RAB27B: variants seen among roughly 807,000 people sequenced by gnomAD.
RAB27B encodes RAB27B, member RAS oncogene family.
RAB27B carries 15 observed loss-of-function variants against 24.6 expected under a neutral mutation model. The ratio of observed to expected loss-of-function variants is 0.61; its 90% CI spans 0.41 to 0.94. RAB27B has a LOEUF of 0.94. Among genes scored for constraint, RAB27B ranks in the 40% least tolerant of loss-of-function variants. The probability of loss-of-function intolerance (pLI) is 0.00; values close to 1 mark genes in which losing one functional copy is unlikely to be tolerated. For missense variants in RAB27B, 261 were observed against 266.8 expected (o/e 0.98, Z 0.15); for synonymous variants, 105 against 92.5 (o/e 1.14, Z -0.78).
chr18:54,783,201 A>C (rs569133150), intron 2 of RAB27B, among the ~76,000 whole-genome samples: 2 of 152,024 alleles, frequency 1.3e-5, no homozygotes, highest in East Asian at 3.9e-4. Context: ...TCCTGACCTC[A>C]AGTGATCCAC....
chr18:54,775,653 A>G (rs967620641), intron 2 of RAB27B, among the ~76,000 whole-genome samples: 1 of 152,116 alleles, frequency 6.6e-6, no homozygotes, highest in Non-Finnish European at 1.5e-5. Context: ...CTATCTCTTC[A>G]TCAACTTCTA....
intron 3 of RAB27B, among the ~76,000 whole-genome samples, chr18:54,881,623 T>C (rs2145280386): frequency 6.6e-6 from 1 of 152,284 alleles, no homozygotes; most frequent in East Asian, 1.9e-4. Flanking sequence ...TTTCTGTAAC[T>C]CTTTGGAACA....
intron 1 of RAB27B, among the ~76,000 whole-genome samples, chr18:54,857,067 T>C (rs1347202585): frequency 6.6e-6 from 1 of 152,236 alleles, no homozygotes; most frequent in Non-Finnish European, 1.5e-5. Flanking sequence ...TAAATGTGTT[T>C]GCTGTACTCA....
At chr18:54,725,586 C>A (rs545127987) in intron 2 of RAB27B, among the ~76,000 whole-genome samples, 1 of 151,396 alleles carries the variant, frequency 6.6e-6, no homozygotes, top group Non-Finnish European at 1.5e-5. Context: ...CCTCACAGTT[C>A]GGCATGGCAC....
At chr18:54,743,873 C>T (rs1910148425) in intron 2 of RAB27B, among the ~76,000 whole-genome samples, 2 of 152,104 alleles carry the variant, frequency 1.3e-5, no homozygotes, top group Admixed American at 1.3e-4. Context: ...ACTTGAGTGC[C>T]CTTAGGAAAT....
At chr18:54,743,608 T>C (rs996956624) in intron 2 of RAB27B, among the ~76,000 whole-genome samples, 2 of 152,042 alleles carry the variant, frequency 1.3e-5, no homozygotes, top group African/African-American at 4.8e-5. Context: ...TGATGACTGG[T>C]GGATGCCTGG....
intron 2 of RAB27B, among the ~76,000 whole-genome samples, chr18:54,813,866 C>T (rs1952261106): frequency 6.6e-6 from 1 of 152,088 alleles, no homozygotes; most frequent in Non-Finnish European, 1.5e-5. Flanking sequence ...GATAAAGTAA[C>T]TTATTTTTCC....
At chr18:54,747,361 C>T (rs1352628016) in intron 2 of RAB27B, among the ~76,000 whole-genome samples, 1 of 152,168 alleles carries the variant, frequency 6.6e-6, no homozygotes, top group Non-Finnish European at 1.5e-5. Context: ...CTATGGCCTA[C>T]TTCCAAATGA....
intron 2 of RAB27B, among the ~76,000 whole-genome samples, chr18:54,810,853 T>C (rs1009070914): frequency 6.7e-6 from 1 of 148,882 alleles, no homozygotes; most frequent in Non-Finnish European, 1.5e-5. Flanking sequence ...AATAAATAAA[T>C]AAATAAATAA....
intron 2 of RAB27B, among the ~76,000 whole-genome samples, chr18:54,811,517 G>A (rs1218358361): frequency 6.6e-6 from 1 of 152,090 alleles, no homozygotes; most frequent in Non-Finnish European, 1.5e-5. Flanking sequence ...CAATTTACAC[G>A]AGAGGAGGAT....
chr18:54,719,377 T>C (rs954133633), intron 2 of RAB27B, among the ~76,000 whole-genome samples: 7 of 152,076 alleles, frequency 4.6e-5, no homozygotes, highest in Non-Finnish European at 8.8e-5. Context: ...GACTAAGTTT[T>C]ACTTTACTGT....
upstream of RAB27B, among the ~76,000 whole-genome samples, chr18:54,824,504 T>G (rs1910410977): frequency 6.6e-6 from 1 of 152,210 alleles, no homozygotes; most frequent in Admixed American, 6.5e-5. Context: ...ACTTTTCATC[T>G]AGGGGCTTTC....
intron 2 of RAB27B, among the ~76,000 whole-genome samples, chr18:54,793,096 GTTT>G (rs5825089): frequency 6.8e-6 from 1 of 147,716 alleles, no homozygotes. Flanking sequence ...ATCAACTGTA[GTTT>G]TTTTTTTTTT....
chr18:54,762,814 C>T (rs1305886327), intron 2 of RAB27B, among the ~76,000 whole-genome samples: 1 of 152,122 alleles, frequency 6.6e-6, no homozygotes, highest in Non-Finnish European at 1.5e-5. Flanking sequence ...TATTTTACTC[C>T]TCCATTCGCA....
chr18:54,746,966 C>T (rs1910269326), intron 2 of RAB27B, among the ~76,000 whole-genome samples: 1 of 152,096 alleles, frequency 6.6e-6, no homozygotes, highest in South Asian at 2.1e-4. Flanking sequence ...AATATGCTTC[C>T]TGATAGTGAA....
chr18:54,810,981 G>T (rs529118467), intron 2 of RAB27B, among the ~76,000 whole-genome samples: 1 of 151,930 alleles, frequency 6.6e-6, no homozygotes, highest in Non-Finnish European at 1.5e-5. Context: ...TCTTTGTATC[G>T]TCAGCATCTA....
intron 2 of RAB27B, among the ~76,000 whole-genome samples, chr18:54,815,843 C>T (rs1018700220): frequency 3.3e-5 from 5 of 152,000 alleles, no homozygotes; most frequent in African/African-American, 1.2e-4. Flanking sequence ...AGGCTGGTCT[C>T]GAACTCCTGA....
At position 54,884,447 on chromosome 18, in the gene RAB27B, C is replaced by G. The variant is rs202217699; in HGVS notation, c.343+11C>G. The G allele has an allele frequency of 3.8e-6, 6 of 1,573,926 alleles. No homozygotes were observed. The East Asian group carries it at 1.1e-4, about 29-fold the overall frequency. On this transcript the variant is annotated intron_variant, in intron 4 of 5. Transcript: ENST00000262094. ...TCAGAAACTGGATGAGTAAGTGGGACTGAGTAATGTGCATTGGCCGCTTTG... is the reference window on the plus strand; with the variant it reads ...TCAGAAACTGGATGAGTAAGTGGGAGTGAGTAATGTGCATTGGCCGCTTTG...
chr18:54,776,709 A>G (rs1180606894), intron 2 of RAB27B, among the ~76,000 whole-genome samples: 1 of 152,150 alleles, frequency 6.6e-6, no homozygotes, highest in East Asian at 1.9e-4. Flanking sequence ...TTTATGACCA[A>G]AATGCCTAGA....
Sources: allele counts gnomAD v4.1 joint callset (sites outside exome capture counted in the v4.1 genomes callset), GRCh38; gene constraint gnomAD v4.1.1; transcripts MANE v1.5; gene names NCBI Gene and HGNC (gene_info 2026-07-23, HGNC 2026-07-21).